The following AOPEP variants were observed in gnomAD, a reference collection of about 807,000 sequenced individuals.
The protein encoded by AOPEP is aminopeptidase O.
A neutral mutation model predicts 98.1 loss-of-function variants in AOPEP; 77 were observed. The ratio of observed to expected loss-of-function variants is 0.78; its 90% CI spans 0.65 to 0.95. AOPEP has a LOEUF of 0.95. Among genes scored for constraint, AOPEP ranks in the 40% least tolerant of loss-of-function variants. The pLI is 0.00. For missense variants in AOPEP, 1,024 were observed against 1,024.7 expected (o/e 1.00, Z 0.01); for synonymous variants, 346 against 365.3 (o/e 0.95, Z 0.60).
In AOPEP at chr9:95,086,929, C is replaced by T. The variant is rs890493960; in HGVS notation, c.*252C>T. On this transcript the variant is annotated 3_prime_UTR_variant, in exon 17 of 17. Transcript: ENST00000375315. The stretch of plus-strand genomic sequence containing the variant: ...CTGCCCTGGATCTGGAGTGGAGCTG[C>T]TCTGAGATTTTGAGTTCTTCTGCAG... The T allele has an allele frequency of 6.1e-6, 6 of 987,772 alleles. No individual in the cohort carries two copies. In the African/African-American group the frequency reaches 8.7e-5, roughly 14 times the overall value. 61.2% of individuals were successfully genotyped at this position (987,772 alleles called of 1,614,324 possible). A position where few individuals can be genotyped will look rare whatever the true frequency, so the allele number is the denominator to read the frequency against.
intron 5 of AOPEP, among the ~76,000 whole-genome samples, chr9:94,912,251 C>A (rs759174915): frequency 2.0e-5 from 3 of 152,056 alleles, no homozygotes; most frequent in Non-Finnish European, 4.4e-5. Flanking sequence ...TAGATAGTAC[C>A]GCTCTTAGCT....
the AOPEP span, chr9:95,110,145 A>C: frequency 1.6e-6 from 1 of 635,756 alleles, no homozygotes; most frequent in Non-Finnish European, 2.0e-6. Flanking sequence ...CTGAGGGAGA[A>C]CTACGCAAGG....
intron 7 of AOPEP, chr9:94,933,089 C>T: frequency 1.0e-6 from 1 of 985,664 alleles, no homozygotes; most frequent in African/African-American, 1.7e-5. Flanking sequence ...AGAACTCTTC[C>T]CCAGGCAAAG....
chr9:94,885,564 G>C (rs1350165547), intron 5 of AOPEP, among the ~76,000 whole-genome samples: 1 of 152,004 alleles, frequency 6.6e-6, no homozygotes, highest in Admixed American at 6.6e-5. Context: ...TCCTCAGCTA[G>C]AACTCACATG....
intron 2 of AOPEP, among the ~76,000 whole-genome samples, chr9:94,767,116 C>A (rs1280568590): frequency 6.6e-6 from 1 of 152,206 alleles, no homozygotes; most frequent in East Asian, 1.9e-4. Flanking sequence ...AGGAACATTT[C>A]CACAATTAGC....
intron 13 of AOPEP, among the ~76,000 whole-genome samples, chr9:95,021,259 T>C (rs1034025051): frequency 8.5e-5 from 13 of 152,244 alleles, no homozygotes; most frequent in African/African-American, 3.1e-4. Flanking sequence ...GTAGGAATAG[T>C]CTGGCTTAGG....
chr9:94,944,106 A>G (rs1036559130), intron 7 of AOPEP, among the ~76,000 whole-genome samples: 2 of 152,102 alleles, frequency 1.3e-5, no homozygotes, highest in African/African-American at 2.4e-5. Flanking sequence ...AAAGACAGAT[A>G]ATAAAAATCA....
rs112784524 is a variant in AOPEP, at chr9:94,927,185, G to A, written c.1555-1240G>A. On this transcript the variant is annotated intron_variant, in intron 6 of 16. Transcript: ENST00000375315. The stretch of plus-strand genomic sequence containing the variant: ...CTCTGTGCATGCAGAGAGAAAGTAC[G>A]CTCTGTTGGCTCTTCCTCTTCTTAT... Among the ~76,000 whole-genome samples the A allele has an allele frequency of 1.8e-4, 27 of 152,198 alleles. 1 individual carries two copies. The South Asian group carries it at 2.9e-3, about 16-fold the overall frequency.
intron 13 of AOPEP, among the ~76,000 whole-genome samples, chr9:95,055,001 T>C (rs1389395804): frequency 3.3e-5 from 5 of 152,234 alleles, no homozygotes; most frequent in African/African-American, 1.2e-4. Flanking sequence ...TTTCGGCAAT[T>C]CTTTAAAATA....
intron 5 of AOPEP, among the ~76,000 whole-genome samples, chr9:94,895,229 T>TAAA (rs1486733465): frequency 2.4e-4 from 6 of 25,336 alleles, no homozygotes; most frequent in South Asian, 2.9e-3. Context: ...TAAAAAAAAA[T>TAAA]AAAATAAAAT....
the AOPEP span, among the ~76,000 whole-genome samples, chr9:95,104,924 CCATAGGTGAGAGCATGCATT>C: frequency 6.6e-6 from 1 of 152,178 alleles, no homozygotes; most frequent in Non-Finnish European, 1.5e-5. Flanking sequence ...TAGATCCCAC[CCATAGGTGAGAGCATGCATT>C]TGTCTCTCGC....
At chr9:94,959,117 C>G (rs2058656076) in intron 9 of AOPEP, among the ~76,000 whole-genome samples, 1 of 152,016 alleles carries the variant, frequency 6.6e-6, no homozygotes, top group Non-Finnish European at 1.5e-5. Flanking sequence ...GGTCTCGGCT[C>G]ACTGCAAGCT....
At chr9:94,782,708 C>G (rs1028977062) in intron 3 of AOPEP, among the ~76,000 whole-genome samples, 13 of 152,320 alleles carry the variant, frequency 8.5e-5, no homozygotes, top group African/African-American at 3.1e-4. Context: ...GTTTCTAGAA[C>G]TAGGGAAACT....
At chr9:95,081,752 A>G (rs2134238873) in intron 15 of AOPEP, among the ~76,000 whole-genome samples, 1 of 152,336 alleles carries the variant, frequency 6.6e-6, no homozygotes, top group South Asian at 2.1e-4. Context: ...GATCTTTGAC[A>G]AATAAGGATC....
intron 5 of AOPEP, among the ~76,000 whole-genome samples, chr9:94,886,040 C>T (rs2048204731): frequency 1.3e-5 from 2 of 152,086 alleles, no homozygotes; most frequent in African/African-American, 2.4e-5. Flanking sequence ...GGATTAGTAT[C>T]AGTATGACCT....
At chr9:94,843,119 G>A (rs1040957949) in intron 5 of AOPEP, among the ~76,000 whole-genome samples, 21 of 152,014 alleles carry the variant, frequency 1.4e-4, no homozygotes, top group Admixed American at 1.2e-3. Flanking sequence ...GGACTCTAAC[G>A]ACACAAATAT....
intron 7 of AOPEP, among the ~76,000 whole-genome samples, chr9:94,946,086 G>A (rs1241867354): frequency 1.3e-5 from 2 of 152,024 alleles, no homozygotes; most frequent in Non-Finnish European, 2.9e-5. Context: ...TGTACTGCCT[G>A]GATCCTATAC....
chr9:94,881,401 C>T (rs1415347035), intron 5 of AOPEP, among the ~76,000 whole-genome samples: 6 of 151,930 alleles, frequency 3.9e-5, no homozygotes, highest in African/African-American at 9.7e-5. Flanking sequence ...GCAGACATCT[C>T]GGGGAAAAGA....
chr9:94,870,794 A>G lies in AOPEP; in HGVS notation c.1365-53192A>G, dbSNP rs544452861. Among the ~76,000 whole-genome samples, 15 of 152,346 alleles carry G rather than the reference A, an allele frequency of 9.8e-5. No individual in the cohort carries two copies. The South Asian group carries it at 3.1e-3, about 32-fold the overall frequency. ...AGTGGTTATGTGGTTTCTAAGGAAG[A>G]GCCAGAAAAATTAAAGTCACTATCT... On this transcript the variant is annotated intron_variant, in intron 5 of 16. Coordinates refer to ENST00000375315, the MANE Select transcript of AOPEP (RefSeq NM_001193329.3).
Sources: allele counts gnomAD v4.1 joint callset (sites outside exome capture counted in the v4.1 genomes callset), GRCh38; gene constraint gnomAD v4.1.1; transcripts MANE v1.5; gene names NCBI Gene and HGNC (gene_info 2026-07-23, HGNC 2026-07-21).